SCFD2: variants seen among roughly 807,000 people sequenced by gnomAD.
The protein encoded by SCFD2 is sec1 family domain containing 2, also known as sec1 family domain-containing protein 2.
In SCFD2, 54 loss-of-function variants were observed where a neutral mutation model predicts 58.9. The observed-to-expected ratio is 0.92, with a 90% CI of 0.74 to 1.15. The LOEUF (loss-of-function observed/expected upper bound fraction) is 1.15. Ranked by LOEUF, SCFD2 falls within the 50% of genes most tolerant of loss-of-function variation. SCFD2 has a pLI of 0.00. For missense variants in SCFD2, 805 were observed against 836.6 expected (o/e 0.96, Z 0.47); for synonymous variants, 321 against 335.9 (o/e 0.96, Z 0.49).
intron 4 of SCFD2, among the ~76,000 whole-genome samples, chr4:53,160,928 A>C (rs1165439893): frequency 1.3e-5 from 2 of 152,210 alleles, no homozygotes; most frequent in African/African-American, 4.8e-5. Context: ...TCTTCTATTA[A>C]AAATGCCACT....
At chr4:53,121,605 C>T (rs1342266167) in intron 5 of SCFD2, among the ~76,000 whole-genome samples, 2 of 152,186 alleles carry the variant, frequency 1.3e-5, no homozygotes, top group African/African-American at 2.4e-5. Context: ...GTCCCTTCCA[C>T]GTCCACAAAA....
chr4:52,963,257 C>A (rs1720890946), intron 5 of SCFD2, among the ~76,000 whole-genome samples: 1 of 152,120 alleles, frequency 6.6e-6, no homozygotes, highest in Non-Finnish European at 1.5e-5. Context: ...ACTATGGGGA[C>A]CATTTAGGGT....
intron 5 of SCFD2, among the ~76,000 whole-genome samples, chr4:53,023,789 G>T (rs1278386606): frequency 6.6e-6 from 1 of 152,160 alleles, no homozygotes; most frequent in Non-Finnish European, 1.5e-5. Context: ...AACTGCAAGT[G>T]CTAGTCTCAG....
intron 7 of SCFD2, among the ~76,000 whole-genome samples, chr4:52,888,068 G>A (rs1207318344): frequency 1.3e-5 from 2 of 151,390 alleles, no homozygotes; most frequent in Non-Finnish European, 2.9e-5. Context: ...CCGCCACCGC[G>A]CCCGGCTAAT....
intron 6 of SCFD2, among the ~76,000 whole-genome samples, chr4:52,909,050 T>C (rs1479392481): frequency 6.6e-6 from 1 of 152,160 alleles, no homozygotes; most frequent in African/African-American, 2.4e-5. Context: ...CTCCAAAAGT[T>C]TGAAAATACA....
chr4:53,300,101 C>A (rs376603447), intron 3 of SCFD2, among the ~76,000 whole-genome samples: 1 of 152,054 alleles, frequency 6.6e-6, no homozygotes. Context: ...CATAACAATA[C>A]TAACCTTAAA....
chr4:52,875,802 CTATATATATA>C (rs3052566), intron 8 of SCFD2, among the ~76,000 whole-genome samples: 626 of 60,946 alleles, frequency 0.01, 2 homozygotes, highest in East Asian at 0.017. Flanking sequence ...TTATCTTTAA[CTATATATATA>C]TATATATATA....
At chr4:52,900,067 G>T (rs900502852) in intron 7 of SCFD2, among the ~76,000 whole-genome samples, 1 of 152,062 alleles carries the variant, frequency 6.6e-6, no homozygotes, top group South Asian at 2.1e-4. Context: ...TTTTTTCAAA[G>T]TTTTTAACTG....
intron 5 of SCFD2, among the ~76,000 whole-genome samples, chr4:53,094,147 G>T (rs1010976001): frequency 6.6e-6 from 1 of 152,058 alleles, no homozygotes; most frequent in African/African-American, 2.4e-5. Context: ...GAATGGAATT[G>T]TTGTAGAGTA....
intron 5 of SCFD2, among the ~76,000 whole-genome samples, chr4:52,991,772 G>A (rs1721617450): frequency 1.3e-5 from 2 of 152,134 alleles, no homozygotes; most frequent in African/African-American, 4.8e-5. Context: ...TGTAGCTGTG[G>A]AAATGGGAGG....
chr4:53,292,283 A>C (rs1336719796), intron 3 of SCFD2, among the ~76,000 whole-genome samples: 1 of 152,204 alleles, frequency 6.6e-6, no homozygotes, highest in Non-Finnish European at 1.5e-5. Flanking sequence ...AATGAGAGAA[A>C]ATTTTTGCAA....
chr4:53,035,566 A>C (rs1722734600), intron 5 of SCFD2, among the ~76,000 whole-genome samples: 1 of 152,236 alleles, frequency 6.6e-6, no homozygotes, highest in African/African-American at 2.4e-5. Flanking sequence ...AAATTTCTGC[A>C]ATCTATCCAT....
At chr4:53,151,070 T>C (rs1380347406) in intron 4 of SCFD2, among the ~76,000 whole-genome samples, 2 of 152,118 alleles carry the variant, frequency 1.3e-5, no homozygotes, top group African/African-American at 4.8e-5. Flanking sequence ...CTGATTAAGA[T>C]GGTTGGAAAG....
chr4:52,946,757 G>C (rs894882913), intron 5 of SCFD2, among the ~76,000 whole-genome samples: 1 of 152,088 alleles, frequency 6.6e-6, no homozygotes. Context: ...GAACCTCCTA[G>C]AACAAAGGAT....
intron 5 of SCFD2, among the ~76,000 whole-genome samples, chr4:52,973,757 C>CA (rs1721174604): frequency 6.6e-6 from 1 of 152,104 alleles, no homozygotes; most frequent in African/African-American, 2.4e-5. Context: ...AACATCGATG[C>CA]AAAAATCCCC....
At chr4:53,053,222 CAA>C (rs1277787453) in intron 5 of SCFD2, among the ~76,000 whole-genome samples, 11 of 77,490 alleles carry the variant, frequency 1.4e-4, no homozygotes, top group Admixed American at 5.9e-4. Context: ...GACACCGTCT[CAA>C]AAAAAAAAAA....
At chr4:52,944,735 C>T (rs896456813) in intron 5 of SCFD2, among the ~76,000 whole-genome samples, 9 of 152,206 alleles carry the variant, frequency 5.9e-5, no homozygotes, top group Non-Finnish European at 1.0e-4. Context: ...TGCCTGGCCA[C>T]TGTTGCCTAA....
intron 4 of SCFD2, among the ~76,000 whole-genome samples, chr4:53,250,419 A>G (rs1055687748): frequency 5.9e-5 from 9 of 152,216 alleles, no homozygotes; most frequent in Non-Finnish European, 1.2e-4. Flanking sequence ...AAGGATACCC[A>G]GGAATTGAAC....
chr4:53,229,266 A>T (rs1434213897), intron 4 of SCFD2, among the ~76,000 whole-genome samples: 6 of 152,220 alleles, frequency 3.9e-5, no homozygotes, highest in Non-Finnish European at 7.3e-5. Flanking sequence ...ATTGGAAAAA[A>T]CTACTTTAAA....
Sources: allele counts gnomAD v4.1 joint callset (sites outside exome capture counted in the v4.1 genomes callset), GRCh38; gene constraint gnomAD v4.1.1; transcripts MANE v1.5; gene names NCBI Gene and HGNC (gene_info 2026-07-23, HGNC 2026-07-21).